PTPRN2: variants seen among roughly 807,000 people sequenced by gnomAD.
PTPRN2 encodes the protein receptor-type tyrosine-protein phosphatase N2.
In PTPRN2, 74 loss-of-function variants were observed where a neutral mutation model predicts 118.8. The observed-to-expected ratio is 0.62, with a 90% CI of 0.52 to 0.76. PTPRN2 has a LOEUF of 0.76. Among genes scored for constraint, PTPRN2 ranks in the 30% least tolerant of loss-of-function variants. The pLI, the probability that PTPRN2 is intolerant of heterozygous loss-of-function variation, is 0.00. For missense variants in PTPRN2, 1,481 were observed against 1,394.4 expected (o/e 1.06, Z -0.99); for synonymous variants, 641 against 608.0 (o/e 1.05, Z -0.80).
intron 9 of PTPRN2, among the ~76,000 whole-genome samples, chr7:158,129,504 C>A (rs1817997593): frequency 1.4e-5 from 2 of 148,020 alleles, no homozygotes; most frequent in African/African-American, 5.2e-5. Flanking sequence ...ACACACCATG[C>A]AACATACTAC....
At chr7:158,036,796 T>A (rs1173759931) in intron 11 of PTPRN2, among the ~76,000 whole-genome samples, 1 of 152,178 alleles carries the variant, frequency 6.6e-6, no homozygotes, top group African/African-American at 2.4e-5. Context: ...GAAATAATCA[T>A]CCTTTAACAA....
chr7:157,875,553 G>C (rs919877216), intron 12 of PTPRN2, among the ~76,000 whole-genome samples: 1 of 152,210 alleles, frequency 6.6e-6, no homozygotes, highest in African/African-American at 2.4e-5. Context: ...TGACTCCAAA[G>C]GGAGATCGTT....
intron 11 of PTPRN2, among the ~76,000 whole-genome samples, chr7:158,080,891 G>A (rs151298969): frequency 5.3e-4 from 81 of 152,236 alleles, no homozygotes; most frequent in African/African-American, 1.9e-3. Flanking sequence ...CTCCTGGTCT[G>A]GTACAAAATG....
At position 157,903,848 on chromosome 7, in the gene PTPRN2, T is replaced by A. The variant is rs1448348188; in HGVS notation, c.1724-5111A>T. 6.6e-6 allele frequency among the ~76,000 whole-genome samples: 1 copy of A among 152,120 alleles called. No individual in the cohort carries two copies. The highest frequency in any genetic ancestry group is 2.4e-5 in the African/African-American group (1 of 41,432). On this transcript the variant is annotated intron_variant, in intron 11 of 22. Coordinates refer to ENST00000389418, the MANE Select transcript of PTPRN2 (RefSeq NM_002847.5). This position sits in a 1 kb window ranked among gnomAD's most constrained non-coding sequence, Gnocchi z 4.2. ...TCCCACACTTCAATCCGTCTCCCCA[T>A]CCAGGCTGTGGATTTCCATGCACGC...
intron 12 of PTPRN2, among the ~76,000 whole-genome samples, chr7:157,715,299 G>A (rs1023184858): frequency 2.7e-4 from 41 of 152,102 alleles, no homozygotes; most frequent in Admixed American, 3.3e-4. Context: ...ACAGGCCGGC[G>A]GCCGCGGGAA....
chr7:157,828,935 C>G (rs1212980395), intron 12 of PTPRN2, among the ~76,000 whole-genome samples: 1 of 152,244 alleles, frequency 6.6e-6, no homozygotes, highest in Non-Finnish European at 1.5e-5. Flanking sequence ...TCACTGTTTT[C>G]TCCAACTGTA....
chr7:157,559,654 A>G (rs926671598), intron 21 of PTPRN2, among the ~76,000 whole-genome samples: 4 of 152,292 alleles, frequency 2.6e-5, no homozygotes, highest in African/African-American at 9.6e-5. Flanking sequence ...GCAAGTGCGC[A>G]GGCCGGGCCA....
At chr7:158,454,745 G>T (rs1206266723) in intron 2 of PTPRN2, among the ~76,000 whole-genome samples, 1 of 152,218 alleles carries the variant, frequency 6.6e-6, no homozygotes, top group Non-Finnish European at 1.5e-5. Context: ...GTGCAGGCTT[G>T]GGGGCAGGTT....
chr7:158,495,760 C>T (rs920816136), intron 1 of PTPRN2, among the ~76,000 whole-genome samples: 2 of 152,198 alleles, frequency 1.3e-5, no homozygotes, highest in African/African-American at 2.4e-5. Context: ...CGCCTCAGCC[C>T]GGAGGCGGGG....
chr7:158,522,090 CA>C (rs1324388961), intron 1 of PTPRN2, among the ~76,000 whole-genome samples: 1 of 76,414 alleles, frequency 1.3e-5, no homozygotes, highest in Non-Finnish European at 2.5e-5. Context: ...GGTGCTGGCT[CA>C]GGAGGGAGGT....
chr7:157,613,373 G>A (rs957394049), intron 15 of PTPRN2, among the ~76,000 whole-genome samples: 1 of 152,260 alleles, frequency 6.6e-6, no homozygotes, highest in African/African-American at 2.4e-5. Context: ...AGAGACGGCT[G>A]CGGGGAGACA....
chr7:158,418,535 C>A (rs910076304), intron 2 of PTPRN2, among the ~76,000 whole-genome samples: 1 of 69,714 alleles, frequency 1.4e-5, no homozygotes, highest in Non-Finnish European at 3.3e-5. Flanking sequence ...TGTACTACAT[C>A]GAGATGCTGT....
At chr7:158,290,610 C>G (rs779721521) in intron 3 of PTPRN2, among the ~76,000 whole-genome samples, 2 of 152,128 alleles carry the variant, frequency 1.3e-5, no homozygotes, top group African/African-American at 4.8e-5. Context: ...GATCAGGAGG[C>G]AGTTTTAGAG....
At chr7:158,380,402 C>T (rs1241960230) in intron 2 of PTPRN2, among the ~76,000 whole-genome samples, 2 of 152,162 alleles carry the variant, frequency 1.3e-5, no homozygotes, top group Admixed American at 6.6e-5. Flanking sequence ...AGGCTACAGG[C>T]CCCACGCAAG....
chr7:157,766,451 TTTCCTCCATCCATCTATCCACCCATCC>T (rs1424045014), intron 12 of PTPRN2, among the ~76,000 whole-genome samples: 2 of 150,574 alleles, frequency 1.3e-5, no homozygotes, highest in African/African-American at 4.9e-5. Context: ...TCCATCCTTC[TTTCCTCCATCCATCTATCCACCCATCC>T]TTCCTCCATC....
rs1347172408 is a variant in PTPRN2 at position 157,977,375 on chromosome 7, CAG to C, written c.1724-78640_1724-78639del. On this transcript the variant is annotated intron_variant, in intron 11 of 22. Transcript: ENST00000389418. The surrounding 1 kb of genome is among the most constrained non-coding windows in gnomAD (Gnocchi z 4.6). ...GAGGGGTTAATGTGCTCTGGAGTGA[CAG>C]GGGTGGGAGGGGTTTATCAGAGATC... Among the ~76,000 whole-genome samples, 1 of 151,752 alleles carries C rather than the reference CAG, an allele frequency of 6.6e-6. No homozygotes were observed. Among genetic ancestry groups the C allele is most frequent in the East Asian group, 1.9e-4 (1 of 5,162 alleles).
chr7:157,610,703 A>G lies in PTPRN2; in HGVS notation c.2345-6628T>C, dbSNP rs1453140067. 6.6e-6 allele frequency among the ~76,000 whole-genome samples: 1 copy of G among 152,234 alleles called. No homozygotes were observed. Among genetic ancestry groups the G allele is most frequent in the African/African-American group, 2.4e-5 (1 of 41,452 alleles). ...CCACGTTTGTTTCAATACTCTGAGA[A>G]GCTACATGGGCTTGATTCTTTGCAG... On this transcript the variant is annotated intron_variant, in intron 15 of 22. Transcript: ENST00000389418. This position sits in a 1 kb window ranked among gnomAD's most constrained non-coding sequence, Gnocchi z 5.1.
intron 2 of PTPRN2, among the ~76,000 whole-genome samples, chr7:158,332,606 T>G (rs1190779123): frequency 6.7e-6 from 1 of 148,284 alleles, no homozygotes; most frequent in Non-Finnish European, 1.5e-5. Flanking sequence ...CCATAAGAAG[T>G]GACACCTGCA....
chr7:157,557,657 G>GT (rs201809556), intron 21 of PTPRN2, among the ~76,000 whole-genome samples: 1,864 of 150,422 alleles, frequency 0.012, 36 homozygotes, highest in African/African-American at 0.043. Context: ...TTATAAGCAG[G>GT]TTTTTTTTTG....
Sources: allele counts gnomAD v4.1 joint callset (sites outside exome capture counted in the v4.1 genomes callset), GRCh38; gene constraint gnomAD v4.1.1; non-coding constraint Gnocchi (gnomAD v3.1); transcripts MANE v1.5; gene names NCBI Gene and HGNC (gene_info 2026-07-23, HGNC 2026-07-21).